Variants in ZFHX3 observed in about 807,000 individuals in gnomAD.
ZFHX3 encodes the protein zinc finger homeobox protein 3.
In ZFHX3, 42 loss-of-function variants were observed where a neutral mutation model predicts 279.1. The ratio of observed to expected loss-of-function variants is 0.15; its 90% CI spans 0.12 to 0.19. The LOEUF (loss-of-function observed/expected upper bound fraction) is 0.19. ZFHX3 is among the 10% of genes least tolerant of loss of function. The pLI is 1.00. For missense variants in ZFHX3, 4,981 were observed against 4,754.0 expected (o/e 1.05, Z -1.40); for synonymous variants, 2,293 against 1,957.8 (o/e 1.17, Z -4.52).
chr16:73,470,334 T>C (rs1177555753), intron 2 of ZFHX3, among the ~76,000 whole-genome samples: 1 of 152,172 alleles, frequency 6.6e-6, no homozygotes, highest in Admixed American at 6.5e-5. Context: ...CTATAATAAG[T>C]AAGACCATCC....
At chr16:73,413,431 G>A (rs891815650) in intron 3 of ZFHX3, among the ~76,000 whole-genome samples, 1 of 152,188 alleles carries the variant, frequency 6.6e-6, no homozygotes, top group Admixed American at 6.5e-5. Flanking sequence ...CCTTGCGGAA[G>A]GACTGCCATG....
chr16:73,070,936 GCGCACACACACA>G lies in ZFHX3; in HGVS notation c.-532-11936_-532-11925del, dbSNP rs1187654165. On this transcript the variant is annotated intron_variant, in intron 8 of 17. Coordinates refer to the ZFHX3 transcript ENST00000641206. Reference sequence around the variant, plus strand: ...GTCTTGCGCGCGCGCGCGCGCGCGCGCGCACACACACACACACACACACACACACACACACAT... The same window carrying G: ...GTCTTGCGCGCGCGCGCGCGCGCGCGCACACACACACACACACACACACAT... Among the ~76,000 whole-genome samples the G allele has an allele frequency of 3.7e-3, 37 of 9,974 alleles. No individual in the cohort carries two copies. The East Asian group carries it at 0.22, about 60-fold the overall frequency. The allele number at this position is 9,974 out of a possible 152,430, so 6.5% of individuals were successfully genotyped here. A position where few individuals can be genotyped will look rare whatever the true frequency, so the allele number is the denominator to read the frequency against.
At chr16:72,838,623 G>A (rs2037261749) in intron 4 of ZFHX3, among the ~76,000 whole-genome samples, 1 of 151,866 alleles carries the variant, frequency 6.6e-6, no homozygotes, top group Non-Finnish European at 1.5e-5. Context: ...GACGGGTCCT[G>A]CCATTTTTCC....
intron 2 of ZFHX3, among the ~76,000 whole-genome samples, chr16:73,510,213 G>A (rs1248097887): frequency 6.6e-6 from 1 of 151,944 alleles, no homozygotes; most frequent in African/African-American, 2.4e-5. Flanking sequence ...TTCTAATTCT[G>A]CCCATAGCAT....
chr16:73,278,836 C>A (rs978877801), intron 4 of ZFHX3, among the ~76,000 whole-genome samples: 4 of 152,038 alleles, frequency 2.6e-5, no homozygotes, highest in African/African-American at 7.2e-5. Context: ...ATTTTACAAT[C>A]CCCTTGCTAG....
chr16:73,881,421 T>C (rs1378623756), intron 1 of ZFHX3, among the ~76,000 whole-genome samples: 2 of 139,956 alleles, frequency 1.4e-5, no homozygotes, highest in African/African-American at 5.3e-5. Context: ...GGTTTGCTGG[T>C]AATGATCACA....
chr16:73,072,281 C>A (rs890785715), intron 8 of ZFHX3, among the ~76,000 whole-genome samples: 2 of 151,994 alleles, frequency 1.3e-5, no homozygotes, highest in Non-Finnish European at 2.9e-5. Context: ...GCCATTGCTA[C>A]TAAAAATGCA....
At chr16:73,363,955 T>C (rs1457507288) in intron 3 of ZFHX3, among the ~76,000 whole-genome samples, 1 of 152,138 alleles carries the variant, frequency 6.6e-6, no homozygotes, top group East Asian at 1.9e-4. Context: ...GGTGGATCAC[T>C]TGAGATCAGG....
chr16:73,744,973 T>G (rs1453206913), intron 1 of ZFHX3, among the ~76,000 whole-genome samples: 2 of 152,182 alleles, frequency 1.3e-5, no homozygotes, highest in Non-Finnish European at 2.9e-5. Context: ...TTCAGTGGAC[T>G]TGGTAGAATA....
chr16:73,599,622 C>T (rs1264687945), intron 2 of ZFHX3, among the ~76,000 whole-genome samples: 1 of 152,098 alleles, frequency 6.6e-6, no homozygotes, highest in Admixed American at 6.5e-5. Context: ...TGGATTTTCT[C>T]CACCACTGCT....
At chr16:72,933,935 C>G (rs1301253510) in intron 3 of ZFHX3, among the ~76,000 whole-genome samples, 2 of 151,582 alleles carry the variant, frequency 1.3e-5, no homozygotes, top group Non-Finnish European at 2.9e-5. Context: ...TCTCCCACCT[C>G]AGCCTCCCGA....
At chr16:73,431,078 G>A (rs1044613424) in intron 3 of ZFHX3, among the ~76,000 whole-genome samples, 1 of 152,160 alleles carries the variant, frequency 6.6e-6, no homozygotes, top group African/African-American at 2.4e-5. Context: ...GAGAAAGAGT[G>A]GATTTCTTTT....
At chr16:73,577,912 A>T (rs867245598) in intron 2 of ZFHX3, among the ~76,000 whole-genome samples, 1 of 152,230 alleles carries the variant, frequency 6.6e-6, no homozygotes, top group East Asian at 1.9e-4. Flanking sequence ...CCCATTCCAA[A>T]TTAGGCTACA....
chr16:73,162,555 T>C (rs1014238490), intron 5 of ZFHX3, among the ~76,000 whole-genome samples: 1 of 152,228 alleles, frequency 6.6e-6, no homozygotes, highest in Non-Finnish European at 1.5e-5. Flanking sequence ...TGTAGAATTA[T>C]TTCATTATGT....
chr16:73,340,544 G>T (rs191339151), intron 3 of ZFHX3, among the ~76,000 whole-genome samples: 142 of 152,238 alleles, frequency 9.3e-4, no homozygotes, highest in African/African-American at 3.3e-3. Context: ...TTGTGTGTGT[G>T]TTTTTTGATT....
chr16:73,293,182 G>A (rs1191761178), intron 4 of ZFHX3, among the ~76,000 whole-genome samples: 3 of 152,232 alleles, frequency 2.0e-5, no homozygotes, highest in Non-Finnish European at 2.9e-5. Flanking sequence ...ATCAGAGGCA[G>A]CTGTGAGAAA....
intron 4 of ZFHX3, among the ~76,000 whole-genome samples, chr16:73,304,442 T>C (rs2015132458): frequency 6.6e-6 from 1 of 152,140 alleles, no homozygotes; most frequent in Non-Finnish European, 1.5e-5. Flanking sequence ...CACGTGATCT[T>C]ATGCGCAGAG....
intron 1 of ZFHX3, among the ~76,000 whole-genome samples, chr16:73,042,906 T>C (rs1462612291): frequency 6.6e-6 from 1 of 151,778 alleles, no homozygotes; most frequent in Non-Finnish European, 1.5e-5. Flanking sequence ...AGAAAGCCTT[T>C]AGGCCCCTTA....
At chr16:73,215,886 T>C (rs763692811) in intron 5 of ZFHX3, among the ~76,000 whole-genome samples, 35 of 152,130 alleles carry the variant, frequency 2.3e-4, no homozygotes, top group African/African-American at 8.0e-4. Flanking sequence ...GACGTGTGTG[T>C]GTGTGCGTGT....
Sources: gnomAD v4.1 joint callset for allele counts (sites outside exome capture counted in the v4.1 genomes callset) on GRCh38, gnomAD v4.1.1 for gene constraint, MANE v1.5 for transcripts, NCBI Gene and HGNC (gene_info 2026-07-23, HGNC 2026-07-21) for gene names.